The following OR1J2 variants were observed in gnomAD, a reference collection of about 807,000 sequenced individuals.
The protein encoded by OR1J2 is olfactory receptor 1J2.
For missense variants in OR1J2, 304 were observed against 246.1 expected (o/e 1.24, Z -1.57); for synonymous variants, 142 against 99.7 (o/e 1.42, Z -2.52).
chr9:122,545,544 G>T, the OR1J2 span, among the ~76,000 whole-genome samples: 21 of 151,326 alleles, frequency 1.4e-4, no homozygotes, highest in South Asian at 3.8e-3. Context: ...AGGATGAGTC[G>T]ATCATATTAT....
rs761886029 is a variant in OR1J2, at chr9:122,510,971, C to A, written c.170C>A (p.Thr57Asn). The A allele has an allele frequency of 1.9e-6, 3 of 1,612,122 alleles. No individual in the cohort carries two copies. The highest frequency in any genetic ancestry group is 1.7e-5 in the Admixed American group (1 of 60,000). The change falls in exon 1 of 1, where the codon ACC becomes AAC. Residue 57 changes from threonine to asparagine, a missense_variant. Coordinates refer to ENST00000335302, the MANE Select transcript of OR1J2 (RefSeq NM_054107.1). ...ATCCAGCTGGACTCTCACCTTCACA[C>A]CCCCATGTACTTCTTCCTCAGCCAC... ...LLIQLDSHLHTPMYFFLSHLA... is the reference protein window; with the variant it reads ...LLIQLDSHLHNPMYFFLSHLA...
the OR1J2 span, among the ~76,000 whole-genome samples, chr9:122,465,463 A>G: frequency 5.9e-5 from 9 of 152,302 alleles, no homozygotes; most frequent in African/African-American, 2.2e-4. Context: ...TTTAAAAATT[A>G]TGGTCCTTTG....
At chr9:122,530,306 T>C in the OR1J2 span, among the ~76,000 whole-genome samples, 3 of 152,204 alleles carry the variant, frequency 2.0e-5, no homozygotes, top group Admixed American at 6.5e-5. Flanking sequence ...TCTGGGACTT[T>C]TGAAGTTTTT....
chr9:122,552,749 A>AGTGTGTGTGT, the OR1J2 span, among the ~76,000 whole-genome samples: 3,557 of 129,626 alleles, frequency 0.027, 88 homozygotes, highest in Admixed American at 0.035. Flanking sequence ...AGAGGGCTTG[A>AGTGTGTGTGT]GTGTGTGTGT....
At chr9:122,464,129 G>A in the OR1J2 span, among the ~76,000 whole-genome samples, 1 of 152,194 alleles carries the variant, frequency 6.6e-6, no homozygotes, top group Admixed American at 6.5e-5. Flanking sequence ...TGCTGTGGGG[G>A]CTGGGAGTGT....
At chr9:122,564,096 C>A in the OR1J2 span, among the ~76,000 whole-genome samples, 1 of 152,144 alleles carries the variant, frequency 6.6e-6, no homozygotes, top group African/African-American at 2.4e-5. Context: ...ATGATCTGAT[C>A]TTTTGGGGAC....
the OR1J2 span, among the ~76,000 whole-genome samples, chr9:122,451,308 C>T: frequency 2.0e-5 from 3 of 151,938 alleles, no homozygotes; most frequent in Non-Finnish European, 2.9e-5. Flanking sequence ...GCCTCGGCCT[C>T]GTGAGTAGCT....
chr9:122,519,661 T>C, the OR1J2 span: 1 of 1,613,922 alleles, frequency 6.2e-7, no homozygotes, highest in African/African-American at 1.3e-5. Flanking sequence ...GACAACACCA[T>C]CCCCCATTTC....
chr9:122,544,080 C>T, the OR1J2 span, among the ~76,000 whole-genome samples: 1 of 151,994 alleles, frequency 6.6e-6, no homozygotes, highest in Non-Finnish European at 1.5e-5. Context: ...TGGAATCTTT[C>T]TACAATGTAT....
At chr9:122,541,946 A>G in the OR1J2 span, among the ~76,000 whole-genome samples, 4 of 152,352 alleles carry the variant, frequency 2.6e-5, no homozygotes, top group East Asian at 3.9e-4. Context: ...ATCAATATAC[A>G]TAACACTTCC....
chr9:122,471,683 A>G, the OR1J2 span, among the ~76,000 whole-genome samples: 1 of 152,178 alleles, frequency 6.6e-6, no homozygotes, highest in East Asian at 1.9e-4. Flanking sequence ...AGAGAAAATC[A>G]CTTTGCGGAT....
the OR1J2 span, among the ~76,000 whole-genome samples, chr9:122,573,450 A>G: frequency 6.6e-6 from 1 of 152,242 alleles, no homozygotes; most frequent in Non-Finnish European, 1.5e-5. Flanking sequence ...TAATGGGTAT[A>G]CAGTGGTATG....
chr9:122,552,749 A>AGTGTGTGTGTGT, the OR1J2 span, among the ~76,000 whole-genome samples: 802 of 129,726 alleles, frequency 6.2e-3, 15 homozygotes, highest in South Asian at 8.8e-3. Flanking sequence ...AGAGGGCTTG[A>AGTGTGTGTGTGT]GTGTGTGTGT....
At chr9:122,552,966 A>G in the OR1J2 span, 3 of 528,036 alleles carry the variant, frequency 5.7e-6, 1 homozygote, top group South Asian at 1.1e-4. Flanking sequence ...ATTCTGCTAT[A>G]GCATACAAAG....
the OR1J2 span, chr9:122,477,202 C>T: frequency 6.2e-7 from 1 of 1,614,090 alleles, no homozygotes; most frequent in South Asian, 1.1e-5. Context: ...GAGGTGGGAT[C>T]CACAAGTGGA....
the OR1J2 span, among the ~76,000 whole-genome samples, chr9:122,546,086 C>A: frequency 6.4e-3 from 970 of 152,112 alleles, 10 homozygotes; most frequent in African/African-American, 0.022. Context: ...TGAGAGGAAC[C>A]GTACACAGGG....
At chr9:122,543,007 T>C in the OR1J2 span, among the ~76,000 whole-genome samples, 1 of 152,230 alleles carries the variant, frequency 6.6e-6, no homozygotes. Flanking sequence ...ATGCCTTTTA[T>C]AGCTGATGAG....
chr9:122,466,323 A>G, the OR1J2 span, among the ~76,000 whole-genome samples: 1 of 152,128 alleles, frequency 6.6e-6, no homozygotes, highest in South Asian at 2.1e-4. Context: ...AACCTAATGA[A>G]CCAGATTACG....
the OR1J2 span, among the ~76,000 whole-genome samples, chr9:122,556,857 T>G: frequency 1.3e-5 from 2 of 152,168 alleles, no homozygotes; most frequent in African/African-American, 4.8e-5. Flanking sequence ...GACACCATGA[T>G]AACATTGAGT....
Sources: allele counts gnomAD v4.1 joint callset (sites outside exome capture counted in the v4.1 genomes callset), GRCh38; gene constraint gnomAD v4.1.1; transcripts MANE v1.5; gene names NCBI Gene and HGNC (gene_info 2026-07-23, HGNC 2026-07-21).